The following BRIP1 variants were observed in gnomAD, a reference collection of about 807,000 sequenced individuals.
BRIP1 encodes BRCA1 interacting DNA helicase 1, also known as Fanconi anemia group J protein.
BRIP1 carries 88 observed loss-of-function variants against 119.7 expected under a neutral mutation model. The observed-to-expected ratio is 0.74, with a 90% CI of 0.62 to 0.88. The LOEUF is 0.88. BRIP1 is among the 40% of genes least tolerant of loss of function. The pLI is 0.00. For synonymous variants in BRIP1, 443 were observed against 496.5 expected (o/e 0.89, Z 1.43); for missense variants, 1,259 against 1,455.4 (o/e 0.87, Z 2.20).
Position 61,681,058 on chromosome 17 carries a change from GCTC to G in BRIP1, c.*2235_*2237del, listed in dbSNP as rs2144051281. Among the ~76,000 whole-genome samples the G allele has an allele frequency of 6.6e-6, 1 of 152,214 alleles. No homozygotes were observed. Among genetic ancestry groups the G allele is most frequent in the East Asian group, 1.9e-4 (1 of 5,164 alleles). ...AAGAATGAGAGTGAAGCAGGGAAAA[GCTC>G]CTTATAAAATCATCAGGTCTCATAA... is the stretch of plus-strand genomic sequence containing the variant. On this transcript the variant is annotated 3_prime_UTR_variant, in exon 20 of 20. Coordinates refer to ENST00000259008, the MANE Select transcript of BRIP1 (RefSeq NM_032043.3). The surrounding 1 kb of genome is among the most constrained non-coding windows in gnomAD (Gnocchi z 5.1).
At position 61,680,889 on chromosome 17, in the gene BRIP1, C is replaced by T. The variant is rs2061261406; in HGVS notation, c.*2407G>A. Among the ~76,000 whole-genome samples, 1 of 152,150 alleles carries T rather than the reference C, an allele frequency of 6.6e-6. No homozygotes were observed. Among genetic ancestry groups the T allele is most frequent in the Non-Finnish European group, 1.5e-5 (1 of 68,026 alleles). ...TATACCATCTGTGTCAGTCTGTTCT[C>T]ATGCTGCTAATAAAGTCATACCCAA... On this transcript the variant is annotated 3_prime_UTR_variant, in exon 20 of 20. Coordinates refer to ENST00000259008, the MANE Select transcript of BRIP1 (RefSeq NM_032043.3).
intron 10 of BRIP1, among the ~76,000 whole-genome samples, chr17:61,788,999 G>A (rs1341775143): frequency 6.6e-6 from 1 of 152,102 alleles, no homozygotes; most frequent in Non-Finnish European, 1.5e-5. Flanking sequence ...GGGCGCTGAG[G>A]CACAAGAATT....
chr17:61,815,335 C>T lies in BRIP1; in HGVS notation c.628-6578G>A, dbSNP rs540430656. Reference sequence around the variant, plus strand: ...GCATTTTTAGAAAGTGAACCCCTAACTTTAATCAAGTGCTCAAAGCAGATT... The same window carrying T: ...GCATTTTTAGAAAGTGAACCCCTAATTTTAATCAAGTGCTCAAAGCAGATT... On this transcript the variant is annotated intron_variant, in intron 6 of 19. Coordinates refer to ENST00000259008, the MANE Select transcript of BRIP1 (RefSeq NM_032043.3). This position sits in a 1 kb window ranked among gnomAD's most constrained non-coding sequence, Gnocchi z 4.1. 4.3e-4 allele frequency among the ~76,000 whole-genome samples: 66 copies of T among 152,218 alleles called. No individual in the cohort carries two copies. Among genetic ancestry groups the T allele is most frequent in the Non-Finnish European group, 1.0e-4 (7 of 67,996 alleles).
chr17:61,724,386 A>C lies in BRIP1; in HGVS notation c.2380-8323T>G, dbSNP rs906321274. On this transcript the variant is annotated intron_variant, in intron 16 of 19. Coordinates refer to ENST00000259008, the MANE Select transcript of BRIP1 (RefSeq NM_032043.3). This position sits in a 1 kb window ranked among gnomAD's most constrained non-coding sequence, Gnocchi z 5.1. ...AGCAGAGCACTTATAGCAGCAATAG[A>C]CAATATGAAATAATCAAAAGGATTA... Among the ~76,000 whole-genome samples, 2 of 152,180 alleles carry C rather than the reference A, an allele frequency of 1.3e-5. No homozygotes were observed. The highest frequency in any genetic ancestry group is 2.9e-5 in the Non-Finnish European group (2 of 68,008).
intron 6 of BRIP1, among the ~76,000 whole-genome samples, chr17:61,818,325 T>C (rs564096483): frequency 2.0e-5 from 3 of 152,320 alleles, no homozygotes; most frequent in Admixed American, 6.5e-5. Flanking sequence ...TGAAATCATC[T>C]ATATCCCCTG....
chr17:61,793,660 T>C lies in BRIP1; in HGVS notation c.1410A>G (p.Gly470=), dbSNP rs1364147179. ...DYESACKIWS[G]NEMLLTLHKM... ...TGTGTAAAGTTAAGAGCATTTCATTTCCACTCCATATTTTACAAGCTGATT... is the reference window on the plus strand; with the variant it reads ...TGTGTAAAGTTAAGAGCATTTCATTCCCACTCCATATTTTACAAGCTGATT... Residue 470 remains glycine (G), a synonymous_variant, in exon 10 of 20, where the codon GGA becomes GGG. Transcript: ENST00000259008. The surrounding 1 kb of genome is among the most constrained non-coding windows in gnomAD (Gnocchi z 5.2). The C allele has an allele frequency of 1.2e-6, 2 of 1,610,082 alleles. No individual in the cohort carries two copies. The highest frequency in any genetic ancestry group is 1.1e-5 in the South Asian group (1 of 90,682).
rs557812508 is a variant in BRIP1 at position 61,810,436 on chromosome 17, G to A, written c.628-1679C>T. ...ACATTAATCAATTAACATACAAAAA[G>A]AATTAAGGTAACTCAATTAGAATTA... On this transcript the variant is annotated intron_variant, in intron 6 of 19. Transcript: ENST00000259008. The surrounding 1 kb of genome is among the most constrained non-coding windows in gnomAD (Gnocchi z 4.7). Among the ~76,000 whole-genome samples the A allele has an allele frequency of 2.7e-4, 41 of 152,146 alleles. No homozygotes were observed. The highest frequency in any genetic ancestry group is 2.0e-4 in the Admixed American group (3 of 15,284).
Position 61,807,776 on chromosome 17 carries a change from G to A in BRIP1, c.918+691C>T, listed in dbSNP as rs2078096122. ...TCATACTTGCAACTTCAATTTTAGA[G>A]TAAACTAATTATCACACCAGAACAT... is the stretch of plus-strand genomic sequence containing the variant. On this transcript the variant is annotated intron_variant, in intron 7 of 19. Transcript: ENST00000259008. The surrounding 1 kb of genome is among the most constrained non-coding windows in gnomAD (Gnocchi z 4.5). Among the ~76,000 whole-genome samples the A allele has an allele frequency of 6.6e-6, 1 of 152,066 alleles. No homozygotes were observed. Among genetic ancestry groups the A allele is most frequent in the Non-Finnish European group, 1.5e-5 (1 of 67,990 alleles).
At chr17:61,764,933 T>C (rs981768583) in intron 14 of BRIP1, among the ~76,000 whole-genome samples, 1 of 152,070 alleles carries the variant, frequency 6.6e-6, no homozygotes, top group Non-Finnish European at 1.5e-5. Context: ...TGTAACAGTA[T>C]TAACAGGTGC....
In BRIP1 at chr17:61,846,408, C is replaced by T. The variant is rs762935142; in HGVS notation, c.627+693G>A. 1.3e-5 allele frequency among the ~76,000 whole-genome samples: 2 copies of T among 150,582 alleles called. No homozygotes were observed. The highest frequency in any genetic ancestry group is 2.4e-5 in the African/African-American group (1 of 40,924). On this transcript the variant is annotated intron_variant, in intron 6 of 19. Coordinates refer to ENST00000259008, the MANE Select transcript of BRIP1 (RefSeq NM_032043.3). The surrounding 1 kb of genome is among the most constrained non-coding windows in gnomAD (Gnocchi z 4.3). ...TATTTTTTCCTTTTTTTTTTTGAGA[C>T]GGGGTCTCACTCTGTCATCCAGGCT...
At chr17:61,849,449 T>C (rs961097417) in intron 4 of BRIP1, among the ~76,000 whole-genome samples, 193 bp from the exon 5 acceptor site, 3 of 148,748 alleles carry the variant, frequency 2.0e-5, no homozygotes, top group Non-Finnish European at 3.0e-5. Flanking sequence ...CTGAGAAACA[T>C]GCTTTCAATA....
rs111722135 is a variant in BRIP1, at chr17:61,686,511, T to G, written c.2576-346A>C. Reference sequence around the variant, plus strand: ...CCCCACAAAAATTGCCTTTTTTTTTTGTAGGGAAACTAGAAGTTGTAAACA... The same window carrying G: ...CCCCACAAAAATTGCCTTTTTTTTTGGTAGGGAAACTAGAAGTTGTAAACA... On this transcript the variant is annotated intron_variant, in intron 18 of 19. Transcript: ENST00000259008. This position sits in a 1 kb window ranked among gnomAD's most constrained non-coding sequence, Gnocchi z 5.4. Among the ~76,000 whole-genome samples the G allele has an allele frequency of 0.01, 1,529 of 152,254 alleles. 30 individuals carry two copies. Among genetic ancestry groups the G allele is most frequent in the African/African-American group, 0.035 (1,454 of 41,562 alleles).
At chr17:61,835,747 A>G (rs2078562316) in intron 6 of BRIP1, among the ~76,000 whole-genome samples, 1 of 152,114 alleles carries the variant, frequency 6.6e-6, no homozygotes, top group African/African-American at 2.4e-5. Context: ...ATCCAAGTAC[A>G]TATAACAATT....
At position 61,742,926 on chromosome 17, in the gene BRIP1, C is replaced by T. The variant is rs763404973; in HGVS notation, c.2379+87G>A. 1.1e-5 allele frequency: 17 copies of T among 1,526,438 alleles called. No individual in the cohort carries two copies. Among genetic ancestry groups the T allele is most frequent in the South Asian group, 2.3e-5 (2 of 88,136 alleles). 94.6% of individuals were successfully genotyped at this position (1,526,438 alleles called of 1,614,324 possible). ...GTAAAAAAGCACTATAAAAGCAAAG[C>T]GCAATAAAATGAGGGATCCCTGCAA... On this transcript the variant is annotated intron_variant, in intron 16 of 19. Transcript: ENST00000259008. This position sits in a 1 kb window ranked among gnomAD's most constrained non-coding sequence, Gnocchi z 4.7.
intron 11 of BRIP1, among the ~76,000 whole-genome samples, chr17:61,781,847 G>C (rs1022141211): frequency 1.3e-5 from 2 of 151,624 alleles, no homozygotes; most frequent in Non-Finnish European, 2.9e-5. Context: ...CTTGAACCCG[G>C]GAGGTGGAGG....
rs2078960517 is a variant in BRIP1 at position 61,860,584 on chromosome 17, T to C, written c.94-677A>G. On this transcript the variant is annotated intron_variant, in intron 2 of 19. Coordinates refer to ENST00000259008, the MANE Select transcript of BRIP1 (RefSeq NM_032043.3). This position sits in a 1 kb window ranked among gnomAD's most constrained non-coding sequence, Gnocchi z 4.1. ...CTGAGGCAGGAGAATAGCTTCAGCC[T>C]GGGAGGCAGGGGTTGCAGTGAGCCA... Among the ~76,000 whole-genome samples the C allele has an allele frequency of 6.6e-6, 1 of 152,154 alleles. No homozygotes were observed. The highest frequency in any genetic ancestry group is 2.4e-5 in the African/African-American group (1 of 41,436).
rs915088814 is a variant in BRIP1, at chr17:61,822,080, C to T, written c.628-13323G>A. Among the ~76,000 whole-genome samples the T allele has an allele frequency of 6.6e-5, 10 of 152,082 alleles. No homozygotes were observed. Among genetic ancestry groups the T allele is most frequent in the African/African-American group, 9.7e-5 (4 of 41,414 alleles). ...ATGACAGAAGACATAATAAAAACCTCGTGTGACTGGTTTTTGATGTGAAAA... is the reference window on the plus strand; with the variant it reads ...ATGACAGAAGACATAATAAAAACCTTGTGTGACTGGTTTTTGATGTGAAAA... On this transcript the variant is annotated intron_variant, in intron 6 of 19. Coordinates refer to ENST00000259008, the MANE Select transcript of BRIP1 (RefSeq NM_032043.3). This position sits in a 1 kb window ranked among gnomAD's most constrained non-coding sequence, Gnocchi z 4.4.
chr17:61,787,128 T>C (rs1225856243), intron 10 of BRIP1, among the ~76,000 whole-genome samples: 1 of 110,684 alleles, frequency 9.0e-6, no homozygotes, highest in Non-Finnish European at 1.6e-5. Context: ...TAATATATTA[T>C]ATACTATATA....
rs79497864 is a variant in BRIP1, at chr17:61,720,260, T to G, written c.2380-4197A>C. 6.6e-6 allele frequency among the ~76,000 whole-genome samples: 1 copy of G among 152,336 alleles called. No individual in the cohort carries two copies. The highest frequency in any genetic ancestry group is 1.9e-4 in the East Asian group (1 of 5,178). ...TTTCAAATAACTAGAAGGAGGAGAT[T>G]ACATGTTCCATACACAAAGAAATGA... On this transcript the variant is annotated intron_variant, in intron 16 of 19. Transcript: ENST00000259008. The surrounding 1 kb of genome is among the most constrained non-coding windows in gnomAD (Gnocchi z 4.3).
Sources: allele counts gnomAD v4.1 joint callset (sites outside exome capture counted in the v4.1 genomes callset), GRCh38; gene constraint gnomAD v4.1.1; non-coding constraint Gnocchi (gnomAD v3.1); transcripts MANE v1.5; gene names NCBI Gene and HGNC (gene_info 2026-07-23, HGNC 2026-07-21).